Variants in SLC39A10 observed in about 807,000 individuals in gnomAD.
SLC39A10 encodes the protein zinc transporter ZIP10.
SLC39A10 carries 13 observed loss-of-function variants against 65.1 expected under a neutral mutation model. That is an observed-to-expected ratio of 0.20 (90% confidence interval 0.13 to 0.32). The LOEUF is 0.32. Among genes scored for constraint, SLC39A10 ranks in the 10% least tolerant of loss-of-function variants. The pLI is 1.00. For synonymous variants in SLC39A10, 321 were observed against 342.2 expected, an observed-to-expected ratio of 0.94 and a Z score of 0.68; for missense variants, 831 against 1,018.4, an observed-to-expected ratio of 0.82 and a Z score of 2.50.
chr2:195,722,179 C>G (rs149760852), intron 8 of SLC39A10, among the ~76,000 whole-genome samples: 2 of 152,296 alleles, frequency 1.3e-5, no homozygotes, highest in African/African-American at 4.8e-5. Flanking sequence ...AAATCAGAGG[C>G]TGAGATGTTG....
intron 1 of SLC39A10, among the ~76,000 whole-genome samples, chr2:195,660,073 T>TC (rs1689326059): frequency 6.6e-6 from 1 of 152,206 alleles, no homozygotes; most frequent in Admixed American, 6.5e-5. Context: ...CTGCACAGTT[T>TC]TTTTTGTCAC....
intron 1 of SLC39A10, among the ~76,000 whole-genome samples, chr2:195,672,035 G>T (rs941556462): frequency 6.6e-6 from 1 of 151,820 alleles, no homozygotes; most frequent in African/African-American, 2.4e-5. Flanking sequence ...ACAAAAACTT[G>T]CCCATTTCTT....
chr2:195,655,237 G>C (rs1451258727), upstream of SLC39A10, among the ~76,000 whole-genome samples: 5 of 152,120 alleles, frequency 3.3e-5, no homozygotes, highest in Non-Finnish European at 7.3e-5. Flanking sequence ...AGCATGGGGG[G>C]ATACCACTCA....
Position 195,708,758 on chromosome 2 carries a change from A to T in SLC39A10, c.1489A>T (p.Lys497Ter). The T allele has an allele frequency of 6.2e-7, 1 of 1,613,320 alleles. No homozygotes were observed. The highest frequency in any genetic ancestry group is 8.5e-7 in the Non-Finnish European group (1 of 1,179,620). ...TTTGGAAGAATATGATGCTGTATTG[A>T]AAGGACTTGTTGCTCTAGGAGGCAT... The part of the protein sequence containing the change: ...KFLEEYDAVL[K>*]GLVALGGIYL... The change falls in exon 5 of 10, where the codon AAA (lysine) becomes TAA (stop). Residue 497 changes from lysine to a stop codon, truncating the protein, a stop_gained. Coordinates refer to ENST00000359634, the MANE Select transcript of SLC39A10 (RefSeq NM_020342.3). LOFTEE classifies it high-confidence loss of function.
chr2:195,667,689 G>A (rs1287701319), intron 1 of SLC39A10, among the ~76,000 whole-genome samples: 1 of 152,122 alleles, frequency 6.6e-6, no homozygotes, highest in East Asian at 1.9e-4. Flanking sequence ...TTTATTTGGT[G>A]GATAAGTGTA....
At position 195,613,347 on chromosome 2, in the gene SLC39A10, G is replaced by T. The variant is rs1371408740; in HGVS notation, c.-12+7114G>T. Among the ~76,000 whole-genome samples, 3 of 151,920 alleles carry T rather than the reference G, an allele frequency of 2.0e-5. No homozygotes were observed. The East Asian group carries it at 5.8e-4, about 29-fold the overall frequency. Reference sequence around the variant, plus strand: ...CCTTGCCTATCTAATACAGTACATTGTTTCTCATTTCCTTTGTTACTATGC... The same window carrying T: ...CCTTGCCTATCTAATACAGTACATTTTTTCTCATTTCCTTTGTTACTATGC... On this transcript the variant is annotated intron_variant, in intron 2 of 2. Transcript: ENST00000458054.
chr2:195,647,082 G>A (rs949106220), intron 2 of SLC39A10, among the ~76,000 whole-genome samples: 5 of 151,650 alleles, frequency 3.3e-5, no homozygotes, highest in East Asian at 1.9e-4. Context: ...TGATTAAATC[G>A]GGCCCATTTG....
chr2:195,625,491 G>T (rs1688453705), intron 2 of SLC39A10, among the ~76,000 whole-genome samples: 2 of 151,868 alleles, frequency 1.3e-5, no homozygotes, highest in African/African-American at 4.8e-5. Flanking sequence ...TGGTCAGGCT[G>T]ATCTCGAACT....
chr2:195,626,129 A>G (rs770474051), intron 2 of SLC39A10, among the ~76,000 whole-genome samples: 1 of 152,178 alleles, frequency 6.6e-6, no homozygotes, highest in Non-Finnish European at 1.5e-5. Context: ...TTAAGTATAT[A>G]TGTACATTTT....
At chr2:195,726,541 A>G (rs1257782722) in intron 8 of SLC39A10, among the ~76,000 whole-genome samples, 2 of 152,182 alleles carry the variant, frequency 1.3e-5, no homozygotes, top group African/African-American at 4.8e-5. Flanking sequence ...GAATTAAGGT[A>G]TTTAGGATCA....
chr2:195,670,939 T>C (rs1689832922), intron 1 of SLC39A10, among the ~76,000 whole-genome samples: 1 of 152,354 alleles, frequency 6.6e-6, no homozygotes, highest in Middle Eastern at 3.4e-3. Flanking sequence ...GGATGAAATA[T>C]AACACAGCTA....
intron 1 of SLC39A10, among the ~76,000 whole-genome samples, chr2:195,662,745 G>A (rs1898771): frequency 0.53 from 79,921 of 152,004 alleles, 21,563 homozygotes; most frequent in Non-Finnish European, 0.6. Flanking sequence ...AAAAAAATCT[G>A]TAAATTAAAT....
rs368449687 is a variant in SLC39A10 at position 195,616,279 on chromosome 2, ATTT to A, written c.-12+10048_-12+10050del. Among the ~76,000 whole-genome samples the A allele has an allele frequency of 6.4e-3, 963 of 150,458 alleles. 7 individuals are homozygous for A. The highest frequency in any genetic ancestry group is 0.031 in the Middle Eastern group (9 of 288). On this transcript the variant is annotated intron_variant, in intron 2 of 2. Coordinates refer to the SLC39A10 transcript ENST00000458054. Reference sequence around the variant, plus strand: ...CAGATCTAGGAGATTTTAAACTGATATTTTAATATTTCAATTTGGATTGATTGA... The same window carrying A: ...CAGATCTAGGAGATTTTAAACTGATATAATATTTCAATTTGGATTGATTGA...
intron 3 of SLC39A10, among the ~76,000 whole-genome samples, chr2:195,684,734 GTTA>G (rs1477688332): frequency 3.3e-5 from 5 of 151,604 alleles, no homozygotes; most frequent in Non-Finnish European, 5.9e-5. Flanking sequence ...GATTTTCTTG[GTTA>G]TTGGATTGTT....
chr2:195,722,685 A>G (rs751654386), intron 8 of SLC39A10, among the ~76,000 whole-genome samples: 5 of 152,218 alleles, frequency 3.3e-5, no homozygotes, highest in African/African-American at 4.8e-5. Context: ...GGAGAAGTCC[A>G]CTTCCCACTT....
intron 1 of SLC39A10, among the ~76,000 whole-genome samples, chr2:195,664,554 T>A (rs1467166297): frequency 1.3e-5 from 2 of 151,996 alleles, no homozygotes; most frequent in East Asian, 3.9e-4. Flanking sequence ...TTGCAGAAAA[T>A]GTGACTGAAT....
chr2:195,657,495 G>C, intron 1 of SLC39A10: 1 of 985,480 alleles, frequency 1.0e-6, no homozygotes, highest in Non-Finnish European at 1.2e-6. Flanking sequence ...TGGGCAGAGT[G>C]TTGGGCGCCG....
At chr2:195,729,961 ATTTTTTTTTTTTT>A (rs58936616) in intron 9 of SLC39A10, among the ~76,000 whole-genome samples, 2 of 92,138 alleles carry the variant, frequency 2.2e-5, no homozygotes, top group East Asian at 5.2e-4. Flanking sequence ...ACCATGCCTA[ATTTTTTTTTTTTT>A]TTTTTTTTTT....
rs534322816 is a variant in SLC39A10, at chr2:195,721,819, A to G, written c.2146+3487A>G. Reference sequence around the variant, plus strand: ...CTCCAACTTTCCTTCCTGTTCATCTACCCACTACCTGGTAAATGGAGTGTC... The same window carrying G: ...CTCCAACTTTCCTTCCTGTTCATCTGCCCACTACCTGGTAAATGGAGTGTC... On this transcript the variant is annotated intron_variant, in intron 8 of 9. Coordinates refer to ENST00000359634, the MANE Select transcript of SLC39A10 (RefSeq NM_020342.3). 1.3e-4 allele frequency among the ~76,000 whole-genome samples: 20 copies of G among 152,208 alleles called. No individual in the cohort carries two copies. In the South Asian group the frequency reaches 2.9e-3, roughly 22 times the overall value.
Sources: allele counts gnomAD v4.1 joint callset (sites outside exome capture counted in the v4.1 genomes callset), GRCh38; gene constraint gnomAD v4.1.1; transcripts MANE v1.5; gene names NCBI Gene and HGNC (gene_info 2026-07-23, HGNC 2026-07-21).